Variants in RIMS2 observed in about 807,000 individuals in gnomAD.
RIMS2 encodes regulating synaptic membrane exocytosis 2.
RIMS2 carries 59 observed loss-of-function variants against 174.4 expected under a neutral mutation model. The observed-to-expected ratio is 0.34, with a 90% confidence interval of 0.27 to 0.42. RIMS2 has a LOEUF of 0.42. RIMS2 is among the 10% of genes least tolerant of loss of function. RIMS2 has a pLI of 1.00. For missense variants in RIMS2, 1,620 were observed against 1,666.3 expected, an observed-to-expected ratio of 0.97 and a Z score of 0.48; for synonymous variants, 606 against 572.5, an observed-to-expected ratio of 1.06 and a Z score of -0.84.
At position 103,995,437 on chromosome 8, in the gene RIMS2, T is replaced by G. The variant is rs563442007; in HGVS notation, c.3044+6016T>G. On this transcript the variant is annotated intron_variant, in intron 17 of 23. Transcript: ENST00000504942. ...CACAGAGAAGTTGGGCTTTAAAGAT[T>G]GAATAAGATTGTGAAAAGTGAAGCA... is the stretch of plus-strand genomic sequence containing the variant. 1.3e-4 allele frequency among the ~76,000 whole-genome samples: 20 copies of G among 152,122 alleles called. 1 individual carries two copies. The South Asian group carries it at 2.9e-3, about 22-fold the overall frequency.
At chr8:103,512,414 G>A (rs1273402682) in intron 1 of RIMS2, among the ~76,000 whole-genome samples, 3 of 152,092 alleles carry the variant, frequency 2.0e-5, no homozygotes, top group Non-Finnish European at 2.9e-5. Context: ...TCTTTTTGGC[G>A]TTATATGTTT....
At chr8:103,972,519 T>C (rs1438095832) in intron 15 of RIMS2, among the ~76,000 whole-genome samples, 1 of 152,204 alleles carries the variant, frequency 6.6e-6, no homozygotes, top group Non-Finnish European at 1.5e-5. Flanking sequence ...TCAGATTAAA[T>C]GCCACAATGT....
intron 19 of RIMS2, among the ~76,000 whole-genome samples, chr8:104,019,227 A>G (rs573878408): frequency 6.6e-6 from 1 of 152,196 alleles, no homozygotes; most frequent in South Asian, 2.1e-4. Flanking sequence ...ATAATCAGTA[A>G]ATCAGTATAT....
chr8:104,138,472 A>G (rs2098540025), intron 19 of RIMS2, among the ~76,000 whole-genome samples: 1 of 152,138 alleles, frequency 6.6e-6, no homozygotes, highest in South Asian at 2.1e-4. Flanking sequence ...CATTTTAACC[A>G]GGGTGAAATG....
intron 15 of RIMS2, among the ~76,000 whole-genome samples, chr8:103,970,897 T>C (rs1278947474): frequency 6.6e-6 from 1 of 152,198 alleles, no homozygotes; most frequent in Non-Finnish European, 1.5e-5. Context: ...ATTTGGCTTA[T>C]TCTGATACCA....
At chr8:103,773,179 A>T (rs2098272474) in intron 3 of RIMS2, among the ~76,000 whole-genome samples, 1 of 152,166 alleles carries the variant, frequency 6.6e-6, no homozygotes, top group South Asian at 2.1e-4. Flanking sequence ...CTTCATCAAA[A>T]TAAAAACTTT....
At chr8:103,691,060 C>A (rs1162709543) in intron 1 of RIMS2, among the ~76,000 whole-genome samples, 1 of 152,192 alleles carries the variant, frequency 6.6e-6, no homozygotes, top group African/African-American at 2.4e-5. Flanking sequence ...TGCTGCCAGA[C>A]ATACTGGAGC....
chr8:104,006,267 T>C (rs2095571732), intron 17 of RIMS2, among the ~76,000 whole-genome samples: 1 of 152,052 alleles, frequency 6.6e-6, no homozygotes, highest in African/African-American at 2.4e-5. Context: ...TAATACCTTC[T>C]GGCTGGGCGC....
At chr8:104,153,416 T>A (rs1363851336) in intron 19 of RIMS2, among the ~76,000 whole-genome samples, 1 of 152,166 alleles carries the variant, frequency 6.6e-6, no homozygotes, top group Non-Finnish European at 1.5e-5. Flanking sequence ...TCTATAAAGA[T>A]AATATTTTTA....
chr8:103,652,521 C>T, intron 1 of RIMS2, 103 bp from the exon 3 acceptor site: 1 of 543,956 alleles, frequency 1.8e-6, no homozygotes, highest in South Asian at 1.6e-5. Context: ...TTACCATTGG[C>T]TGTAGCTTTT....
intron 1 of RIMS2, among the ~76,000 whole-genome samples, chr8:103,520,385 A>G (rs1205652664): frequency 6.6e-6 from 1 of 152,160 alleles, no homozygotes; most frequent in African/African-American, 2.4e-5. Context: ...AGAAGAACAC[A>G]GGTTAAATTC....
intron 1 of RIMS2, among the ~76,000 whole-genome samples, chr8:103,590,518 T>C (rs1327699921): frequency 2.0e-5 from 3 of 151,226 alleles, no homozygotes; most frequent in African/African-American, 7.3e-5. Flanking sequence ...TCCAACAACT[T>C]ACCATGAAAA....
chr8:103,684,823 G>T (rs541566572), intron 1 of RIMS2, among the ~76,000 whole-genome samples: 1 of 152,032 alleles, frequency 6.6e-6, no homozygotes, highest in East Asian at 1.9e-4. Flanking sequence ...CTGACCTCAG[G>T]TGATCTGCCC....
At chr8:103,684,399 T>G (rs1324393369) in intron 1 of RIMS2, among the ~76,000 whole-genome samples, 4 of 152,100 alleles carry the variant, frequency 2.6e-5, no homozygotes, top group Admixed American at 2.0e-4. Flanking sequence ...GTTGATTAAA[T>G]TTTTTTAAGT....
chr8:103,961,345 G>C (rs1015494031), intron 15 of RIMS2, among the ~76,000 whole-genome samples: 9 of 152,184 alleles, frequency 5.9e-5, no homozygotes, highest in African/African-American at 1.9e-4. Flanking sequence ...AAAGATACCA[G>C]ATACGTAGAT....
intron 19 of RIMS2, among the ~76,000 whole-genome samples, chr8:104,017,348 C>T (rs1597194112): frequency 6.6e-6 from 1 of 151,818 alleles, no homozygotes; most frequent in African/African-American, 2.4e-5. Context: ...TCCTTTTCAA[C>T]AGCCAAAATA....
At chr8:103,679,545 C>A (rs1375384733) in intron 1 of RIMS2, among the ~76,000 whole-genome samples, 1 of 151,686 alleles carries the variant, frequency 6.6e-6, no homozygotes, top group Non-Finnish European at 1.5e-5. Flanking sequence ...ACAACAACAA[C>A]AAAACTAAGT....
chr8:103,879,680 A>G (rs2099158110), intron 3 of RIMS2, among the ~76,000 whole-genome samples: 1 of 151,666 alleles, frequency 6.6e-6, no homozygotes, highest in Non-Finnish European at 1.5e-5. Context: ...TGGTACTACC[A>G]TATATTCCTA....
chr8:103,851,152 A>G (rs1246854413), intron 3 of RIMS2, among the ~76,000 whole-genome samples: 1 of 151,986 alleles, frequency 6.6e-6, no homozygotes, highest in African/African-American at 2.4e-5. Context: ...TTCATGAAGT[A>G]ACATGGAAGA....
Sources: gnomAD v4.1 joint callset for allele counts (sites outside exome capture counted in the v4.1 genomes callset) on GRCh38, gnomAD v4.1.1 for gene constraint, MANE v1.5 for transcripts, NCBI Gene and HGNC (gene_info 2026-07-23, HGNC 2026-07-21) for gene names.